The following GALNT13 variants were observed in gnomAD, a reference collection of about 807,000 sequenced individuals.
GALNT13 encodes the protein UDP-GalNAc:polypeptide N-acetylgalactosaminyltransferase 13.
Under a neutral mutation model 64.2 loss-of-function variants are expected in GALNT13, and 28 were observed. The ratio of observed to expected loss-of-function variants is 0.44; its 90% CI spans 0.32 to 0.60. GALNT13 has a LOEUF of 0.60. GALNT13 is among the 20% of genes least tolerant of loss of function. GALNT13 has a pLI of 0.05. For synonymous variants in GALNT13, 214 were observed against 224.6 expected (o/e 0.95, Z 0.42); for missense variants, 577 against 669.8 (o/e 0.86, Z 1.53).
chr2:153,734,576 G>A, the GALNT13 span, among the ~76,000 whole-genome samples: 6 of 152,050 alleles, frequency 3.9e-5, no homozygotes, highest in African/African-American at 1.4e-4. Flanking sequence ...AAACGTAATT[G>A]CAGGTTTGCC....
the GALNT13 span, among the ~76,000 whole-genome samples, chr2:153,757,698 C>G: frequency 6.6e-6 from 1 of 152,022 alleles, no homozygotes. Flanking sequence ...AAGGACATAC[C>G]TCATTGTTTT....
the GALNT13 span, among the ~76,000 whole-genome samples, chr2:153,248,529 C>CGGGCGTGGTGG: frequency 6.6e-6 from 1 of 151,614 alleles, no homozygotes; most frequent in East Asian, 2.0e-4. Flanking sequence ...TGTTAAAAAC[C>CGGGCGTGGTGG]CTCGGCCGGG....
chr2:153,712,818 T>G, the GALNT13 span, among the ~76,000 whole-genome samples: 1 of 152,206 alleles, frequency 6.6e-6, no homozygotes, highest in Non-Finnish European at 1.5e-5. Flanking sequence ...ATCTAACCAC[T>G]GAAGCTGACC....
the GALNT13 span, among the ~76,000 whole-genome samples, chr2:153,636,939 T>C: frequency 2.0e-5 from 3 of 152,208 alleles, no homozygotes; most frequent in South Asian, 4.1e-4. Context: ...GAAGAGGTGC[T>C]CTGTATCTCT....
chr2:153,544,170 T>G, the GALNT13 span, among the ~76,000 whole-genome samples: 1 of 152,224 alleles, frequency 6.6e-6, no homozygotes, highest in Non-Finnish European at 1.5e-5. Flanking sequence ...TTCTGGGTCA[T>G]AAATCCAAAT....
chr2:154,448,798 A>G (rs1054848401), intron 12 of GALNT13, among the ~76,000 whole-genome samples: 1 of 152,028 alleles, frequency 6.6e-6, no homozygotes, highest in Non-Finnish European at 1.5e-5. Context: ...ATCAATTGCA[A>G]TAAGACACTG....
chr2:153,539,367 C>T, the GALNT13 span, among the ~76,000 whole-genome samples: 54 of 151,848 alleles, frequency 3.6e-4, no homozygotes, highest in Non-Finnish European at 5.3e-4. Context: ...ATGGTAGTTT[C>T]TTTTGCTGTG....
intron 4 of GALNT13, among the ~76,000 whole-genome samples, chr2:154,154,310 A>G (rs1197934179): frequency 6.6e-6 from 1 of 152,226 alleles, no homozygotes; most frequent in East Asian, 1.9e-4. Flanking sequence ...TACAGTTCAG[A>G]CAGAAGGTAT....
At chr2:154,207,207 C>G (rs1308947579) in intron 4 of GALNT13, among the ~76,000 whole-genome samples, 3 of 152,166 alleles carry the variant, frequency 2.0e-5, no homozygotes, top group African/African-American at 7.2e-5. Context: ...CTGGCTACCT[C>G]CAATGTCGTG....
intron 3 of GALNT13, among the ~76,000 whole-genome samples, chr2:153,950,712 T>C (rs1224141327): frequency 1.3e-5 from 2 of 152,264 alleles, no homozygotes; most frequent in African/African-American, 4.8e-5. Context: ...GGAGATCTTA[T>C]ATAGTAGTTT....
the GALNT13 span, among the ~76,000 whole-genome samples, chr2:153,454,390 A>T: frequency 1.3e-5 from 2 of 152,166 alleles, no homozygotes; most frequent in Non-Finnish European, 2.9e-5. Flanking sequence ...CCATTTTCAC[A>T]GCCTGCTGCA....
chr2:153,877,563 TTAA>T (rs1686468540), intron 1 of GALNT13, among the ~76,000 whole-genome samples: 1 of 152,160 alleles, frequency 6.6e-6, no homozygotes, highest in Non-Finnish European at 1.5e-5. Flanking sequence ...CTCTTTTTTG[TTAA>T]TAAAGTGGAT....
chr2:153,910,644 T>G (rs1279975168), intron 2 of GALNT13, among the ~76,000 whole-genome samples: 1 of 152,198 alleles, frequency 6.6e-6, no homozygotes, highest in Non-Finnish European at 1.5e-5. Flanking sequence ...AGCTTTGTTC[T>G]TATTAGTTTC....
chr2:154,196,253 C>T (rs1225922341), intron 4 of GALNT13, among the ~76,000 whole-genome samples: 1 of 151,228 alleles, frequency 6.6e-6, no homozygotes, highest in Non-Finnish European at 1.5e-5. Context: ...TCATGAATTA[C>T]GTGTGAGAAT....
At position 154,325,869 on chromosome 2, in the gene GALNT13, A is replaced by G. The variant is rs181815567; in HGVS notation, c.1156+24280A>G. 2.1e-3 allele frequency among the ~76,000 whole-genome samples: 324 copies of G among 152,216 alleles called. 11 individuals are homozygous for G. The highest frequency in any genetic ancestry group is 0.018 in the Admixed American group (279 of 15,278). On this transcript the variant is annotated intron_variant, in intron 9 of 12. Transcript: ENST00000392825. ...GATCAGCTGTGAGGGTAACTCATTC[A>G]CTAATTCTGGGTTCTCACATTAGCA... is the stretch of plus-strand genomic sequence containing the variant.
At chr2:153,592,017 A>G in the GALNT13 span, among the ~76,000 whole-genome samples, 1 of 152,078 alleles carries the variant, frequency 6.6e-6, no homozygotes, top group Middle Eastern at 3.2e-3. Context: ...TGGGCAAAGG[A>G]CATGAACAGA....
At chr2:153,222,020 G>A in the GALNT13 span, among the ~76,000 whole-genome samples, 1 of 152,130 alleles carries the variant, frequency 6.6e-6, no homozygotes, top group African/African-American at 2.4e-5. Context: ...GGGATGGGGA[G>A]GCGTGTTTCA....
intron 9 of GALNT13, among the ~76,000 whole-genome samples, chr2:154,371,344 G>T (rs1697673018): frequency 6.6e-6 from 1 of 152,058 alleles, no homozygotes; most frequent in South Asian, 2.1e-4. Context: ...GAGTTTCCAG[G>T]TAATTATAAT....
At chr2:153,481,860 G>A in the GALNT13 span, among the ~76,000 whole-genome samples, 8 of 152,232 alleles carry the variant, frequency 5.3e-5, no homozygotes, top group African/African-American at 9.6e-5. Context: ...AAAATATTAA[G>A]CAGATATTTT....
Sources: allele counts gnomAD v4.1 joint callset (sites outside exome capture counted in the v4.1 genomes callset), GRCh38; gene constraint gnomAD v4.1.1; transcripts MANE v1.5; gene names NCBI Gene and HGNC (gene_info 2026-07-23, HGNC 2026-07-21).